The following RAI1 variants were observed in gnomAD, a reference collection of about 807,000 sequenced individuals.
RAI1 encodes retinoic acid-induced protein 1.
A neutral mutation model predicts 123.8 loss-of-function variants in RAI1; 9 were observed. The ratio of observed to expected loss-of-function variants is 0.07; its 90% CI spans 0.04 to 0.13. The LOEUF is 0.13. Ranked by LOEUF, RAI1 falls within the 10% of genes least tolerant of loss-of-function variation. The pLI is 1.00. For synonymous variants in RAI1, 1,231 were observed against 1,127.3 expected (o/e 1.09, Z -1.84); for missense variants, 2,256 against 2,545.8 (o/e 0.89, Z 2.45).
intron 2 of RAI1, among the ~76,000 whole-genome samples, chr17:17,729,547 T>C (rs1225309569): frequency 6.6e-6 from 1 of 152,168 alleles, no homozygotes; most frequent in Non-Finnish European, 1.5e-5. Flanking sequence ...AGTGGGGGCT[T>C]TTTCTGCTTC....
At chr17:17,701,378 G>A (rs191316299) in intron 1 of RAI1, among the ~76,000 whole-genome samples, 8 of 152,212 alleles carry the variant, frequency 5.3e-5, no homozygotes, top group Admixed American at 2.6e-4. Context: ...GAGACCTAAT[G>A]GTATTCTCTG....
In RAI1 at chr17:17,793,482, G is replaced by A. The variant is rs561440366; in HGVS notation, c.534G>A (p.Pro178=). 5.4e-5 allele frequency: 87 copies of A among 1,613,814 alleles called. No homozygotes were observed. In the South Asian group the frequency reaches 5.8e-4, roughly 11 times the overall value. ...THSLHVQQPP[P]PQQPLAYPKL... is the part of the protein sequence containing the mutation. ...CCCTGCACGTCCAGCAGCCACCGCC[G>A]CCCCAGCAGCCCCTGGCATACCCCA... Residue 178 remains proline, a synonymous_variant, in exon 3 of 6, where the codon CCG becomes CCA. Coordinates refer to ENST00000353383, the MANE Select transcript of RAI1 (RefSeq NM_030665.4).
Position 17,793,598 on chromosome 17 carries a change from C to T in RAI1, c.650C>T (p.Pro217Leu). Reference protein sequence around the residue: ...THFPQHSQSFPTSSTYSSSVQ... With the variant: ...THFPQHSQSFLTSSTYSSSVQ... ...TTTCCTCAGCATTCCCAGTCCTTCC[C>T]CACCTCCTCCACCTACTCCTCCTCT... The change falls in exon 3 of 6, where the codon CCC becomes CTC. Residue 217 changes from proline (P) to leucine (L), a missense_variant. Pro to Leu is a moderately conservative substitution (Grantham distance 98, BLOSUM62 -3). Transcript: ENST00000353383. The T allele has an allele frequency of 6.2e-7, 1 of 1,613,642 alleles. No homozygotes were observed.
intron 2 of RAI1, among the ~76,000 whole-genome samples, chr17:17,762,722 G>A (rs2030755214): frequency 6.6e-6 from 1 of 152,116 alleles, no homozygotes. Flanking sequence ...GGCAGGTAGA[G>A]GTGAGCTCAG....
At position 17,798,146 on chromosome 17, in the gene RAI1, C is replaced by T. The variant is rs752186236; in HGVS notation, c.5198C>T (p.Ser1733Leu). 1.8e-5 allele frequency: 29 copies of T among 1,613,464 alleles called. No individual in the cohort carries two copies. The highest frequency in any genetic ancestry group is 2.4e-5 in the Non-Finnish European group (28 of 1,180,044). Residue 1733 changes from serine to leucine, a missense_variant, in exon 3 of 6, where the codon TCG (serine) becomes TTG (leucine). By Grantham distance (145) the Ser-to-Leu change is moderately radical. This residue lies in a region of RAI1 where 243 missense variants were observed against 316.6 expected (regional missense o/e 0.77). Transcript: ENST00000353383. ...CCAGAAGGCACCTGTGAGGAGGCCT[C>T]GCTGCCGCTTGAGAGAACACTCAAA... ...VRPEGTCEEA[S>L]LPLERTLKGP... is the part of the protein sequence containing the mutation.
intron 1 of RAI1, among the ~76,000 whole-genome samples, chr17:17,689,299 A>T (rs1407807837): frequency 6.6e-6 from 1 of 152,032 alleles, no homozygotes; most frequent in Non-Finnish European, 1.5e-5. Flanking sequence ...GTCACATCTA[A>T]CCCTTACCTG....
intron 1 of RAI1, among the ~76,000 whole-genome samples, chr17:17,695,287 C>G (rs1045373729): frequency 1.3e-5 from 2 of 152,194 alleles, no homozygotes; most frequent in East Asian, 3.9e-4. Flanking sequence ...AGGCCTGGAC[C>G]CTGCAACCTC....
At position 17,702,151 on chromosome 17, in the gene RAI1, A is replaced by G. The variant is rs574517097; in HGVS notation, c.-149+20358A>G. 3.3e-5 allele frequency among the ~76,000 whole-genome samples: 5 copies of G among 152,344 alleles called. No homozygotes were observed. The South Asian group carries it at 1.0e-3, about 32-fold the overall frequency. ...GGAGTTCAGCCCTGGCTAGGGCAGA[A>G]CACTGGCTGACATGAGGGGAGAGGG... On this transcript the variant is annotated intron_variant, in intron 1 of 5. Coordinates refer to ENST00000353383, the MANE Select transcript of RAI1 (RefSeq NM_030665.4).
chr17:17,747,536 C>T (rs747900988), intron 2 of RAI1, among the ~76,000 whole-genome samples: 9 of 152,102 alleles, frequency 5.9e-5, no homozygotes, highest in Admixed American at 5.2e-4. Flanking sequence ...GGGCTGAGAA[C>T]GAATTCTAGG....
intron 2 of RAI1, among the ~76,000 whole-genome samples, chr17:17,773,996 A>T (rs1199485553): frequency 6.6e-6 from 1 of 152,202 alleles, no homozygotes; most frequent in African/African-American, 2.4e-5. Flanking sequence ...TCAGGTAAGT[A>T]ATTACTTACC....
At chr17:17,749,740 A>G (rs763245367) in intron 2 of RAI1, among the ~76,000 whole-genome samples, 7 of 152,180 alleles carry the variant, frequency 4.6e-5, no homozygotes, top group Middle Eastern at 3.4e-3. Context: ...TGGTTTATTT[A>G]CTAAGGTTGG....
chr17:17,788,340 G>T (rs1457940708), intron 2 of RAI1, among the ~76,000 whole-genome samples: 1 of 152,074 alleles, frequency 6.6e-6, no homozygotes, highest in Non-Finnish European at 1.5e-5. Context: ...TTGGAAACTC[G>T]CCCCCTTCCT....
Position 17,714,100 on chromosome 17 carries a change from C to T in RAI1, c.-148-9928C>T, listed in dbSNP as rs953746668. 6.6e-6 allele frequency among the ~76,000 whole-genome samples: 1 copy of T among 152,112 alleles called. No homozygotes were observed. Among genetic ancestry groups the T allele is most frequent in the African/African-American group, 2.4e-5 (1 of 41,414 alleles). ...CAGCCGCAGGTTGCTCACCACCTCC[C>T]GAGCAGCTCCCTCCTTCCATTTCTG... is the stretch of plus-strand genomic sequence containing the variant. On this transcript the variant is annotated intron_variant, in intron 1 of 5. Transcript: ENST00000353383. The surrounding 1 kb of genome is among the most constrained non-coding windows in gnomAD (Gnocchi z 4.9).
intron 2 of RAI1, among the ~76,000 whole-genome samples, chr17:17,783,442 T>A (rs2031688096): frequency 6.7e-6 from 1 of 149,430 alleles, no homozygotes; most frequent in Non-Finnish European, 1.5e-5. Flanking sequence ...AAATAGAAGG[T>A]GAAATTTTAC....
intron 2 of RAI1, among the ~76,000 whole-genome samples, chr17:17,757,574 C>T (rs1391467463): frequency 6.6e-6 from 1 of 152,108 alleles, no homozygotes; most frequent in Non-Finnish European, 1.5e-5. Context: ...GCCCTGTTTC[C>T]TGCCCAGCCG....
chr17:17,778,804 A>T, intron 2 of RAI1: 1 of 456,762 alleles, frequency 2.2e-6, no homozygotes, highest in South Asian at 1.5e-5. Context: ...GGCCAGGCCA[A>T]GCTAGCTATG....
Position 17,796,269 on chromosome 17 carries a change from C to T in RAI1, c.3321C>T (p.Ser1107=), listed in dbSNP as rs768311724. The part of the protein sequence containing the change: ...RVGKPSPKAA[S]SPSNPAALPV... ...GGAAGCCCTCACCCAAGGCTGCCTC[C>T]AGCCCCAGCAACCCGGCCGCCCTGC... Residue 1107 remains serine (S), a synonymous_variant, in exon 3 of 6, where the codon TCC becomes TCT. Transcript: ENST00000353383. The surrounding 1 kb of genome is among the most constrained non-coding windows in gnomAD (Gnocchi z 5.8). 4 of 1,594,442 alleles carry T rather than the reference C, an allele frequency of 2.5e-6. No individual in the cohort carries two copies. In the Admixed American group the frequency reaches 5.1e-5, roughly 21 times the overall value.
chr17:17,707,273 T>C (rs4995264), intron 1 of RAI1, among the ~76,000 whole-genome samples: 94,373 of 152,056 alleles, frequency 0.62, 30,362 homozygotes, highest in African/African-American at 0.78. Flanking sequence ...AGCAAGACCT[T>C]GTCTCTGAAA....
intron 2 of RAI1, among the ~76,000 whole-genome samples, chr17:17,759,745 G>A (rs983871120): frequency 1.3e-5 from 2 of 152,186 alleles, no homozygotes; most frequent in Non-Finnish European, 2.9e-5. Flanking sequence ...TGCCTGGCCT[G>A]CCCACTGCTG....
Sources: gnomAD v4.1 joint callset for allele counts (sites outside exome capture counted in the v4.1 genomes callset) on GRCh38, gnomAD v4.1.1 for gene constraint, gnomAD v4.1.1 regional missense constraint, Gnocchi (gnomAD v3.1) non-coding constraint, MANE v1.5 for transcripts, NCBI Gene and HGNC (gene_info 2026-07-23, HGNC 2026-07-21) for gene names.